The following CDC42EP2 variants were observed in gnomAD, a reference collection of about 807,000 sequenced individuals.
CDC42EP2 encodes CDC42 effector protein 2, also known as CDC42 effector protein (Rho GTPase binding) 2.
In CDC42EP2, 5 loss-of-function variants were observed where a neutral mutation model predicts 7.3. The ratio of observed to expected loss-of-function variants is 0.68; its 90% CI spans 0.36 to 1.44. The LOEUF (loss-of-function observed/expected upper bound fraction) is 1.44. Ranked by LOEUF, CDC42EP2 falls within the 40% of genes most tolerant of loss-of-function variation. CDC42EP2 has a pLI of 0.04. For missense variants in CDC42EP2, 251 were observed against 282.6 expected, an observed-to-expected ratio of 0.89 and a Z score of 0.80; for synonymous variants, 113 against 123.6, an observed-to-expected ratio of 0.91 and a Z score of 0.57.
Position 65,321,210 on chromosome 11 carries a change from C to G in CDC42EP2, c.312C>G (p.Leu104=). Residue 104 remains leucine (L), a synonymous_variant, in exon 2 of 2, where the codon CTC becomes CTG. Coordinates refer to ENST00000279249, the MANE Select transcript of CDC42EP2 (RefSeq NM_006779.4). The surrounding 1 kb of genome is among the most constrained non-coding windows in gnomAD (Gnocchi z 4.4). ...RELPDGPSPL[L]KNAISLPVIG... ...TCCCGGACGGCCCATCCCCTCTGCT[C>G]AAGAACGCCATCTCCCTCCCGGTTA... 1 of 1,613,974 alleles carries G rather than the reference C, an allele frequency of 6.2e-7. No homozygotes were observed. The highest frequency in any genetic ancestry group is 1.3e-5 in the African/African-American group (1 of 75,028).
At chr11:65,318,955 C>T (rs1472903709) in intron 1 of CDC42EP2, among the ~76,000 whole-genome samples, 1 of 123,640 alleles carries the variant, frequency 8.1e-6, no homozygotes, top group Non-Finnish European at 1.6e-5. Context: ...AGTTACACAA[C>T]ATGCATATGT....
At position 65,321,685 on chromosome 11, in the gene CDC42EP2, C is replaced by T. The variant is rs1949976291; in HGVS notation, c.*154C>T. ...TCTGAGCCGTGTTTCCCCTCTCCCT[C>T]CCTCTCCACGTGGGCAGGGCAGGCC... On this transcript the variant is annotated 3_prime_UTR_variant, in exon 2 of 2. Coordinates refer to ENST00000279249, the MANE Select transcript of CDC42EP2 (RefSeq NM_006779.4). The surrounding 1 kb of genome is among the most constrained non-coding windows in gnomAD (Gnocchi z 4.4). 1 of 706,034 alleles carries T rather than the reference C, an allele frequency of 1.4e-6. No homozygotes were observed. Among genetic ancestry groups the T allele is most frequent in the Non-Finnish European group, 2.4e-6 (1 of 418,290 alleles). 43.7% of individuals were successfully genotyped at this position (706,034 alleles called of 1,614,324 possible).
In CDC42EP2 at chr11:65,321,230, C is replaced by G; in HGVS notation, c.332C>G (p.Pro111Arg). The G allele has an allele frequency of 6.2e-7, 1 of 1,613,990 alleles. No individual in the cohort carries two copies. The highest frequency in any genetic ancestry group is 1.1e-5 in the South Asian group (1 of 91,080). Residue 111 changes from proline (P) to arginine (R), a missense_variant, in exon 2 of 2, where the codon CCG (proline) becomes CGG (arginine). Pro to Arg is a moderately radical substitution (Grantham distance 103). Coordinates refer to ENST00000279249, the MANE Select transcript of CDC42EP2 (RefSeq NM_006779.4). This position sits in a 1 kb window ranked among gnomAD's most constrained non-coding sequence, Gnocchi z 4.4. Reference sequence around the variant, plus strand: ...CTGCTCAAGAACGCCATCTCCCTCCCGGTTATCGGTGGACCCCAGGCTCTC... The same window carrying G: ...CTGCTCAAGAACGCCATCTCCCTCCGGGTTATCGGTGGACCCCAGGCTCTC... ...SPLLKNAISL[P>R]VIGGPQALTL...
chr11:65,320,832 T>G lies in CDC42EP2; in HGVS notation c.-67T>G. On this transcript the variant is annotated 5_prime_UTR_variant, in exon 2 of 2. Coordinates refer to ENST00000279249, the MANE Select transcript of CDC42EP2 (RefSeq NM_006779.4). Reference sequence around the variant, plus strand: ...ACGAGTGTTTCCTCTGGCTGAGGGTTGGAGAGGAGGTGTGGTCTCAGCAGG... The same window carrying G: ...ACGAGTGTTTCCTCTGGCTGAGGGTGGGAGAGGAGGTGTGGTCTCAGCAGG... 1 of 1,500,170 alleles carries G rather than the reference T, an allele frequency of 6.7e-7. No individual in the cohort carries two copies. The highest frequency in any genetic ancestry group is 1.3e-5 in the South Asian group (1 of 78,650). The allele number at this position is 1,500,170 out of a possible 1,614,324, so 92.9% of individuals were successfully genotyped here.
At chr11:65,318,702 C>T (rs1026922788) in intron 1 of CDC42EP2, among the ~76,000 whole-genome samples, 5 of 150,260 alleles carry the variant, frequency 3.3e-5, no homozygotes, top group Non-Finnish European at 7.4e-5. Flanking sequence ...GGATTACAGG[C>T]GTGAACCACC....
intron 1 of CDC42EP2, among the ~76,000 whole-genome samples, chr11:65,319,292 C>G (rs1355560908): frequency 6.6e-6 from 1 of 151,986 alleles, no homozygotes; most frequent in Non-Finnish European, 1.5e-5. Context: ...CCACGCCTGG[C>G]TAATTTTTTG....
At chr11:65,317,491 G>A (rs7926687) in intron 1 of CDC42EP2, among the ~76,000 whole-genome samples, 2,390 of 152,052 alleles carry the variant, frequency 0.016, 65 homozygotes, top group African/African-American at 0.055. Context: ...GGCTGGGCCT[G>A]GGGAGGGAGT....
intron 1 of CDC42EP2, chr11:65,317,148 C>T (rs957314840): frequency 6.6e-5 from 10 of 152,276 alleles, no homozygotes; most frequent in Non-Finnish European, 1.2e-4. Context: ...CATGCGTCCC[C>T]ACCCTTCCCC....
chr11:65,320,796 C>T lies in CDC42EP2; in HGVS notation c.-103C>T. 3.0e-6 allele frequency: 4 copies of T among 1,314,472 alleles called. No homozygotes were observed. The South Asian group carries it at 5.8e-5, about 19-fold the overall frequency. The allele number at this position is 1,314,472 out of a possible 1,614,324, so 81.4% of individuals were successfully genotyped here. On this transcript the variant is annotated 5_prime_UTR_variant, in exon 2 of 2. Transcript: ENST00000279249. ...TTGGCGAGCTCTGGCACCTGCAAAC[C>T]ACCCCGTGGAACGAGTGTTTCCTCT...
At position 65,315,404 on chromosome 11, in the gene CDC42EP2, G is replaced by T. The variant is rs567547073; in HGVS notation, c.-356+450G>T. On this transcript the variant is annotated intron_variant, in intron 1 of 1. Transcript: ENST00000279249. This position sits in a 1 kb window ranked among gnomAD's most constrained non-coding sequence, Gnocchi z 4.1. The stretch of plus-strand genomic sequence containing the variant: ...AGGGGTCGGCGCAGGAACCCGAGCC[G>T]GAGCTAAGGAGCCGGACCCGTGGGA... Among the ~76,000 whole-genome samples the T allele has an allele frequency of 6.6e-6, 1 of 152,316 alleles. No homozygotes were observed. Among genetic ancestry groups the T allele is most frequent in the South Asian group, 2.1e-4 (1 of 4,834 alleles).
chr11:65,320,110 TTCCCTGCAAGGGGAGTGCCCCACCCCC>T (rs1196993677), intron 1 of CDC42EP2, among the ~76,000 whole-genome samples: 2 of 152,068 alleles, frequency 1.3e-5, no homozygotes, highest in Non-Finnish European at 2.9e-5. Flanking sequence ...CCCAGTACAA[TTCCCTGCAAGGGGAGTGCCCCACCCCC>T]TCAGGATCCC....
chr11:65,321,379 A>T lies in CDC42EP2; in HGVS notation c.481A>T (p.Ser161Cys), dbSNP rs776777102. 3.5e-5 allele frequency: 57 copies of T among 1,613,650 alleles called. No individual in the cohort carries two copies. In the Admixed American group the frequency reaches 8.3e-4, roughly 24 times the overall value. ...WRIPETGSPN[S>C]GLTPESGAEE... Reference sequence around the variant, plus strand: ...GATTCCAGAGACTGGCTCCCCCAACAGTGGACTGACCCCGGAGTCAGGGGC... The same window carrying T: ...GATTCCAGAGACTGGCTCCCCCAACTGTGGACTGACCCCGGAGTCAGGGGC... The change falls in exon 2 of 2, where the codon AGT becomes TGT. Residue 161 changes from serine (S) to cysteine (C), a missense_variant. Physicochemically the swap from Ser to Cys is moderately radical, Grantham distance 112 (BLOSUM62 -1). Coordinates refer to ENST00000279249, the MANE Select transcript of CDC42EP2 (RefSeq NM_006779.4). The surrounding 1 kb of genome is among the most constrained non-coding windows in gnomAD (Gnocchi z 4.4).
rs748132612 is a variant in CDC42EP2, at chr11:65,320,929, C to T, written c.31C>T (p.Arg11Cys). The change falls in exon 2 of 2, where the codon CGT becomes TGT. Residue 11 changes from arginine to cysteine, a missense_variant. Physicochemically the swap from Arg to Cys is radical, Grantham distance 180. Coordinates refer to ENST00000279249, the MANE Select transcript of CDC42EP2 (RefSeq NM_006779.4). MSTKVPIYLK[R>C]GSRKGKKEKL... ...CACCAAGGTGCCCATCTATCTGAAG[C>T]GTGGCAGTCGCAAGGGCAAGAAGGA... 1.4e-5 allele frequency: 23 copies of T among 1,608,518 alleles called. No individual in the cohort carries two copies. The highest frequency in any genetic ancestry group is 2.7e-5 in the African/African-American group (2 of 74,846).
chr11:65,321,251 C>G lies in CDC42EP2; in HGVS notation c.353C>G (p.Ala118Gly). The part of the protein sequence containing the change: ...ISLPVIGGPQ[A>G]LTLPTAQAPP... ...CTCCCGGTTATCGGTGGACCCCAGGCTCTCACCCTGCCCACAGCCCAGGCT... is the reference window on the plus strand; with the variant it reads ...CTCCCGGTTATCGGTGGACCCCAGGGTCTCACCCTGCCCACAGCCCAGGCT... The change falls in exon 2 of 2, where the codon GCT becomes GGT. Residue 118 changes from alanine to glycine, a missense_variant. Ala to Gly is a moderately conservative substitution (Grantham distance 60, BLOSUM62 0). Transcript: ENST00000279249. The surrounding 1 kb of genome is among the most constrained non-coding windows in gnomAD (Gnocchi z 4.4). 6.2e-7 allele frequency: 1 copy of G among 1,613,942 alleles called. No individual in the cohort carries two copies. The highest frequency in any genetic ancestry group is 2.2e-5 in the East Asian group (1 of 44,854).
intron 1 of CDC42EP2, chr11:65,317,045 G>C (rs528495679): frequency 6.6e-6 from 1 of 152,282 alleles, no homozygotes; most frequent in Non-Finnish European, 1.5e-5. Flanking sequence ...CTCCTGACGA[G>C]CGACAAATTG....
Position 65,321,171 on chromosome 11 carries a change from G to T in CDC42EP2, c.273G>T (p.Val91=). The T allele has an allele frequency of 6.2e-7, 1 of 1,614,110 alleles. No homozygotes were observed. Among genetic ancestry groups the T allele is most frequent in the Non-Finnish European group, 8.5e-7 (1 of 1,179,992 alleles). The change falls in exon 2 of 2, where the codon GTG becomes GTT. Residue 91 remains valine (V), a synonymous_variant. Coordinates refer to ENST00000279249, the MANE Select transcript of CDC42EP2 (RefSeq NM_006779.4). This position sits in a 1 kb window ranked among gnomAD's most constrained non-coding sequence, Gnocchi z 4.4. ...LPFQFTRTAT[V]CGRELPDGPS... The stretch of plus-strand genomic sequence containing the variant: ...TCCAGTTCACCCGCACCGCCACCGT[G>T]TGTGGGCGGGAGCTCCCGGACGGCC...
chr11:65,316,798 A>T (rs1443831045), intron 1 of CDC42EP2, among the ~76,000 whole-genome samples: 1 of 152,126 alleles, frequency 6.6e-6, no homozygotes, highest in Non-Finnish European at 1.5e-5. Flanking sequence ...TGGGCCGCTG[A>T]TGCTGGCCTC....
chr11:65,319,622 C>A (rs1278081771), intron 1 of CDC42EP2, among the ~76,000 whole-genome samples: 1 of 152,172 alleles, frequency 6.6e-6, no homozygotes, highest in Non-Finnish European at 1.5e-5. Flanking sequence ...ATCCTAGACT[C>A]AGCCCCTACC....
intron 1 of CDC42EP2, among the ~76,000 whole-genome samples, chr11:65,316,724 A>G (rs904513065): frequency 7.2e-5 from 11 of 152,158 alleles, no homozygotes; most frequent in Admixed American, 5.2e-4. Flanking sequence ...GCTGGATCCT[A>G]GGGTCTTGCA....
Sources: gnomAD v4.1 joint callset for allele counts (sites outside exome capture counted in the v4.1 genomes callset) on GRCh38, gnomAD v4.1.1 for gene constraint, Gnocchi (gnomAD v3.1) non-coding constraint, MANE v1.5 for transcripts, NCBI Gene and HGNC (gene_info 2026-07-23, HGNC 2026-07-21) for gene names.